The following ZNF454 variants were observed in gnomAD, a reference collection of about 807,000 sequenced individuals.
ZNF454 encodes the protein zinc finger protein 454.
Under a neutral mutation model 48.2 loss-of-function variants are expected in ZNF454, and 30 were observed. That is an observed-to-expected ratio of 0.62 (90% confidence interval 0.47 to 0.84). The LOEUF is 0.84. Ranked by LOEUF, ZNF454 falls within the 40% of genes least tolerant of loss-of-function variation. ZNF454 has a pLI of 0.00. For missense variants in ZNF454, 510 were observed against 623.1 expected (o/e 0.82, Z 1.93); for synonymous variants, 204 against 211.4 (o/e 0.97, Z 0.30).
chr5:178,967,490 G>A (rs1760180275), downstream of ZNF454, among the ~76,000 whole-genome samples: 1 of 152,176 alleles, frequency 6.6e-6, no homozygotes, highest in South Asian at 2.1e-4. Flanking sequence ...TAGGAAAGCA[G>A]ACAGCTTTGA....
chr5:178,949,918 G>GT (rs1452826643), intron 4 of ZNF454, among the ~76,000 whole-genome samples: 8 of 151,388 alleles, frequency 5.3e-5, no homozygotes. Flanking sequence ...CCCGGCCTCT[G>GT]TTTCATTCTT....
At chr5:178,968,926 G>T, downstream of ZNF454, 1 of 454,672 alleles carries the variant, frequency 2.2e-6, no homozygotes, top group Non-Finnish European at 4.4e-6. Flanking sequence ...CAGGCTGAAG[G>T]CCCCCATCTG....
chr5:178,962,142 G>A (rs994971697), intron 4 of ZNF454, among the ~76,000 whole-genome samples: 1 of 151,712 alleles, frequency 6.6e-6, no homozygotes, highest in Non-Finnish European at 1.5e-5. Flanking sequence ...TATTTTCTCT[G>A]TGTGTTGAAT....
chr5:178,986,709 CGAG>C, the ZNF454 span: 4 of 1,604,812 alleles, frequency 2.5e-6, no homozygotes, highest in African/African-American at 5.3e-5. Flanking sequence ...TGCACAGAGA[CGAG>C]GGCACCTCGT....
downstream of ZNF454, among the ~76,000 whole-genome samples, chr5:178,970,616 C>G (rs985012938): frequency 7.9e-5 from 12 of 152,148 alleles, no homozygotes; most frequent in African/African-American, 2.7e-4. Flanking sequence ...TTCCCACCAC[C>G]ACGCCCGGCT....
chr5:178,943,655 G>A (rs1759201419), intron 2 of ZNF454, among the ~76,000 whole-genome samples: 1 of 152,192 alleles, frequency 6.6e-6, no homozygotes, highest in South Asian at 2.1e-4. Context: ...TTTTACCAAT[G>A]AAATTATTCA....
chr5:178,959,746 C>T (rs1341966908), intron 4 of ZNF454, among the ~76,000 whole-genome samples: 5 of 151,806 alleles, frequency 3.3e-5, no homozygotes, highest in African/African-American at 1.2e-4. Flanking sequence ...GCTGGGACTA[C>T]AGGCGCCCAC....
the ZNF454 span, among the ~76,000 whole-genome samples, chr5:178,982,573 T>C: frequency 2.7e-5 from 1 of 37,682 alleles, no homozygotes; most frequent in Non-Finnish European, 4.4e-5. Context: ...TGAGACTCTG[T>C]CTCAAAAAAA....
the ZNF454 span, chr5:178,986,068 G>A: frequency 2.7e-6 from 4 of 1,497,426 alleles, no homozygotes; most frequent in South Asian, 5.0e-5. Flanking sequence ...GGCCCTTTTG[G>A]CTTTGTAACG....
At chr5:178,983,457 A>G in the ZNF454 span, 63 of 691,962 alleles carry the variant, frequency 9.1e-5, no homozygotes, top group Non-Finnish European at 1.5e-4. Context: ...GCTGCGGAGA[A>G]GGGCTGTGCC....
At chr5:178,968,748 C>T (rs1019052139), downstream of ZNF454, 5 of 456,672 alleles carry the variant, frequency 1.1e-5, no homozygotes, top group Middle Eastern at 3.3e-4. Context: ...CTGAGAAGCA[C>T]GTTTCTAAGC....
intron 4 of ZNF454, among the ~76,000 whole-genome samples, chr5:178,960,347 T>TC (rs951205946): frequency 2.0e-5 from 3 of 151,186 alleles, no homozygotes; most frequent in Non-Finnish European, 4.4e-5. Flanking sequence ...AACTTCCACC[T>TC]CCCCGGTTCA....
the ZNF454 span, chr5:178,979,941 A>G: frequency 6.5e-6 from 1 of 154,484 alleles, no homozygotes; most frequent in African/African-American, 2.4e-5. Flanking sequence ...GAGAAACCCT[A>G]TGGAATAAAT....
In ZNF454 at chr5:178,964,844, C is replaced by T. The variant is rs752798303; in HGVS notation, c.440C>T (p.Thr147Ile). The T allele has an allele frequency of 6.2e-7, 1 of 1,614,170 alleles. No homozygotes were observed. The highest frequency in any genetic ancestry group is 1.1e-5 in the South Asian group (1 of 91,076). Reference protein sequence around the residue: ...LQRVVLTHPNTPSQECDESGS... With the variant: ...LQRVVLTHPNIPSQECDESGS... Reference sequence around the variant, plus strand: ...CGAGTGGTACTCACTCACCCCAACACCCCATCACAGGAATGTGATGAATCC... The same window carrying T: ...CGAGTGGTACTCACTCACCCCAACATCCCATCACAGGAATGTGATGAATCC... The change falls in exon 5 of 5, where the codon ACC becomes ATC. Residue 147 changes from threonine to isoleucine, a missense_variant. Physicochemically the swap from Thr to Ile is moderately conservative, Grantham distance 89. Coordinates refer to ENST00000519564, the MANE Select transcript of ZNF454 (RefSeq NM_001178089.3).
the ZNF454 span, chr5:178,981,078 C>T: frequency 6.3e-6 from 1 of 159,736 alleles, no homozygotes; most frequent in Admixed American, 6.0e-5. The surrounding 1 kb of genome is among the most constrained non-coding windows in gnomAD (Gnocchi z 5.1). Flanking sequence ...TCAGCTCACT[C>T]CCGCGCCCAC....
At chr5:178,983,491 G>A in the ZNF454 span, 1 of 656,124 alleles carries the variant, frequency 1.5e-6, no homozygotes, top group Non-Finnish European at 2.8e-6. Context: ...GGCAACATCA[G>A]TGCAGTGTGC....
rs1264916309 is a variant in ZNF454 at position 178,946,420 on chromosome 5, GC to G, written c.99del (p.Ala34ProfsTer9). On this transcript the variant is annotated frameshift_variant, in exon 3 of 5. Coordinates refer to ENST00000519564, the MANE Select transcript of ZNF454 (RefSeq NM_001178089.3). LOFTEE classifies it high-confidence loss of function. The surrounding 1 kb of genome is among the most constrained non-coding windows in gnomAD (Gnocchi z 4.5). ...ACCCAGGAAGAGTGGGGGCAGCTGA[GC>G]CCCGCCCAGAGGGCCCTGTACAGGG... ...LFTQEEWGQL[S>X]PAQRALYRDV... 1 of 1,613,236 alleles carries G rather than the reference GC, an allele frequency of 6.2e-7. No individual in the cohort carries two copies. The highest frequency in any genetic ancestry group is 8.5e-7 in the Non-Finnish European group (1 of 1,179,668).
downstream of ZNF454, among the ~76,000 whole-genome samples, chr5:178,966,746 C>T (rs1273849708): frequency 2.0e-5 from 3 of 152,080 alleles, no homozygotes; most frequent in Non-Finnish European, 2.9e-5. Context: ...CCCACACCAC[C>T]GACACCCAGT....
chr5:178,962,037 A>G (rs2113270581), intron 4 of ZNF454, among the ~76,000 whole-genome samples: 1 of 151,726 alleles, frequency 6.6e-6, no homozygotes, highest in South Asian at 2.1e-4. Context: ...TCTGCCTGGA[A>G]CACATCTGTG....
Sources: allele counts gnomAD v4.1 joint callset (sites outside exome capture counted in the v4.1 genomes callset), GRCh38; gene constraint gnomAD v4.1.1; non-coding constraint Gnocchi (gnomAD v3.1); transcripts MANE v1.5; gene names NCBI Gene and HGNC (gene_info 2026-07-23, HGNC 2026-07-21).